FBLN7: variants seen among roughly 807,000 people sequenced by gnomAD.
The protein encoded by FBLN7 is fibulin-7.
In FBLN7, 31 loss-of-function variants were observed where a neutral mutation model predicts 44.0. The observed-to-expected ratio is 0.70, with a 90% CI of 0.53 to 0.95. FBLN7 has a LOEUF of 0.95. Ranked by LOEUF, FBLN7 falls within the 40% of genes least tolerant of loss-of-function variation. FBLN7 has a pLI of 0.00. For missense variants in FBLN7, 573 were observed against 618.5 expected (o/e 0.93, Z 0.78); for synonymous variants, 262 against 253.4 (o/e 1.03, Z -0.32).
chr2:112,143,876 C>A (rs1469386944), intron 1 of FBLN7, among the ~76,000 whole-genome samples: 1 of 152,160 alleles, frequency 6.6e-6, no homozygotes, highest in South Asian at 2.1e-4. Context: ...AGTCACTGCA[C>A]CCGGCCTCCA....
At chr2:112,225,343 T>C in the FBLN7 span, among the ~76,000 whole-genome samples, 1 of 152,164 alleles carries the variant, frequency 6.6e-6, no homozygotes, top group African/African-American at 2.4e-5. Flanking sequence ...CCAGGTGTGG[T>C]AGCACACACC....
At chr2:112,169,574 C>T (rs529983071) in intron 3 of FBLN7, among the ~76,000 whole-genome samples, 16 of 152,192 alleles carry the variant, frequency 1.1e-4, no homozygotes, top group South Asian at 6.2e-4. Flanking sequence ...CTTTGTCAGT[C>T]GTCCCCACCC....
chr2:112,233,686 T>G, the FBLN7 span, among the ~76,000 whole-genome samples: 2 of 152,018 alleles, frequency 1.3e-5, no homozygotes, highest in African/African-American at 4.8e-5. Context: ...GCTAACACGG[T>G]GAAACCTCGT....
At chr2:112,242,813 T>C in the FBLN7 span, among the ~76,000 whole-genome samples, 1 of 152,202 alleles carries the variant, frequency 6.6e-6, no homozygotes, top group Non-Finnish European at 1.5e-5. Context: ...TTTTTAAAAT[T>C]AGACAATTTA....
chr2:112,238,445 A>G, the FBLN7 span: 4 of 1,613,556 alleles, frequency 2.5e-6, no homozygotes, highest in Non-Finnish European at 3.4e-6. Context: ...GACTGCAGAT[A>G]TCATTATCAC....
At chr2:112,235,478 A>C in the FBLN7 span, among the ~76,000 whole-genome samples, 1 of 152,188 alleles carries the variant, frequency 6.6e-6, no homozygotes, top group African/African-American at 2.4e-5. Context: ...TAATTACCTG[A>C]ACCACAGGGC....
chr2:112,229,017 A>G, the FBLN7 span, among the ~76,000 whole-genome samples: 1 of 152,228 alleles, frequency 6.6e-6, no homozygotes, highest in African/African-American at 2.4e-5. Context: ...CTCCTACTGG[A>G]AAAGCTATAA....
chr2:112,159,831 T>G lies in FBLN7; in HGVS notation c.231T>G (p.Leu77=). ...TGGGCAGGGTGGGCCCAGATGCCCTTCCAGGTGGGTCCCCACGTCGGCACC... is the reference window on the plus strand; with the variant it reads ...TGGGCAGGGTGGGCCCAGATGCCCTGCCAGGTGGGTCCCCACGTCGGCACC... The part of the protein sequence containing the change: ...NSVGRVGPDA[L]PVSCPALNTP... Residue 77 remains leucine (L), a synonymous_variant, in exon 2 of 8, where the codon CTT becomes CTG. Coordinates refer to ENST00000331203, the MANE Select transcript of FBLN7 (RefSeq NM_153214.3). 6.5e-7 allele frequency: 1 copy of G among 1,541,800 alleles called. No homozygotes were observed. The highest frequency in any genetic ancestry group is 8.7e-7 in the Non-Finnish European group (1 of 1,145,436).
At chr2:112,229,736 A>C in the FBLN7 span, among the ~76,000 whole-genome samples, 1 of 152,190 alleles carries the variant, frequency 6.6e-6, no homozygotes, top group Non-Finnish European at 1.5e-5. Flanking sequence ...GTTTTTGCTA[A>C]GCACCATTAC....
the FBLN7 span, among the ~76,000 whole-genome samples, chr2:112,207,881 T>G: frequency 6.6e-6 from 1 of 152,246 alleles, no homozygotes; most frequent in African/African-American, 2.4e-5. Flanking sequence ...CTTTTACTTT[T>G]CACCAAAGTG....
chr2:112,200,691 C>T, the FBLN7 span, among the ~76,000 whole-genome samples: 4 of 151,992 alleles, frequency 2.6e-5, no homozygotes, highest in South Asian at 2.1e-4. Context: ...CACCACCACC[C>T]GGCTAATTTT....
chr2:112,161,057 G>A (rs1681845831), intron 2 of FBLN7, among the ~76,000 whole-genome samples: 1 of 152,192 alleles, frequency 6.6e-6, no homozygotes, highest in African/African-American at 2.4e-5. Context: ...CCTCCCATGA[G>A]GGCAGGACTC....
At chr2:112,144,115 T>C (rs1412544351) in intron 1 of FBLN7, among the ~76,000 whole-genome samples, 1 of 152,226 alleles carries the variant, frequency 6.6e-6, no homozygotes, top group African/African-American at 2.4e-5. Flanking sequence ...GGTATTTCCA[T>C]TTACAAAATA....
chr2:112,234,496 G>T, the FBLN7 span, among the ~76,000 whole-genome samples: 2 of 152,058 alleles, frequency 1.3e-5, no homozygotes, highest in South Asian at 4.1e-4. Flanking sequence ...TTGTAAAAAT[G>T]AATGAAAAAA....
chr2:112,193,223 C>T, the FBLN7 span, among the ~76,000 whole-genome samples: 2 of 152,216 alleles, frequency 1.3e-5, no homozygotes, highest in South Asian at 4.1e-4. Context: ...AGTGGATCAC[C>T]TGAGGTCAGG....
At chr2:112,150,930 C>T (rs527354662) in intron 1 of FBLN7, among the ~76,000 whole-genome samples, 5 of 152,198 alleles carry the variant, frequency 3.3e-5, no homozygotes, top group African/African-American at 4.8e-5. Flanking sequence ...ATTGCCTAAG[C>T]GGGGTGCTGC....
chr2:112,172,129 G>A (rs1300647276), intron 3 of FBLN7, among the ~76,000 whole-genome samples: 3 of 152,206 alleles, frequency 2.0e-5, no homozygotes, highest in Non-Finnish European at 2.9e-5. Flanking sequence ...ATGAACTTAT[G>A]TACCTAAAAT....
chr2:112,216,569 A>G, the FBLN7 span: 2 of 152,226 alleles, frequency 1.3e-5, no homozygotes, highest in Non-Finnish European at 1.5e-5. Flanking sequence ...ACAACAACAA[A>G]AAACATATAG....
chr2:112,220,579 C>G, the FBLN7 span, among the ~76,000 whole-genome samples: 1 of 152,092 alleles, frequency 6.6e-6, no homozygotes, highest in Non-Finnish European at 1.5e-5. Context: ...CCCAGCACTT[C>G]AGGAGGCCAA....
Sources: allele counts gnomAD v4.1 joint callset (sites outside exome capture counted in the v4.1 genomes callset), GRCh38; gene constraint gnomAD v4.1.1; transcripts MANE v1.5; gene names NCBI Gene and HGNC (gene_info 2026-07-23, HGNC 2026-07-21).